Variants in CAMTA1 observed in about 807,000 individuals in gnomAD.
CAMTA1 encodes calmodulin binding transcription activator 1, also known as calmodulin-binding transcription activator 1.
A neutral mutation model predicts 170.9 loss-of-function variants in CAMTA1; 27 were observed. The ratio of observed to expected loss-of-function variants is 0.16; its 90% CI spans 0.12 to 0.22. The LOEUF is 0.22. Ranked by LOEUF, CAMTA1 falls within the 10% of genes least tolerant of loss-of-function variation. The probability of loss-of-function intolerance (pLI) is 1.00; values close to 1 mark genes in which losing one functional copy is unlikely to be tolerated. For missense variants in CAMTA1, 1,619 were observed against 2,217.2 expected (o/e 0.73, Z 5.42); for synonymous variants, 833 against 891.5 (o/e 0.93, Z 1.17).
rs1332661381 is a variant in CAMTA1 at position 7,044,351 on chromosome 1, G to C, written c.235-46953G>C. On this transcript the variant is annotated intron_variant, in intron 3 of 22. Coordinates refer to ENST00000303635, the MANE Select transcript of CAMTA1 (RefSeq NM_015215.4). This position sits in a 1 kb window ranked among gnomAD's most constrained non-coding sequence, Gnocchi z 5.0. ...CCGCTGGGGACCCCGGGGACTCAGA[G>C]CAGTGCCGCTGGGGACCCTGGGGAC... 6.6e-6 allele frequency among the ~76,000 whole-genome samples: 1 copy of C among 152,150 alleles called. No individual in the cohort carries two copies. Among genetic ancestry groups the C allele is most frequent in the African/African-American group, 2.4e-5 (1 of 41,440 alleles).
intron 4 of CAMTA1, among the ~76,000 whole-genome samples, chr1:7,171,163 A>G (rs1439228389): frequency 5.9e-5 from 9 of 152,170 alleles, no homozygotes; most frequent in Admixed American, 5.9e-4. Flanking sequence ...GTTCTCCTGG[A>G]ACGTGAGGAA....
intron 3 of CAMTA1, among the ~76,000 whole-genome samples, chr1:7,026,951 G>A (rs190755068): frequency 6.6e-6 from 1 of 152,142 alleles, no homozygotes; most frequent in Non-Finnish European, 1.5e-5. Flanking sequence ...ACCTTTTCCG[G>A]CATGACCTTT....
At chr1:7,675,324 T>A (rs1311599537) in intron 10 of CAMTA1, among the ~76,000 whole-genome samples, 1 of 152,218 alleles carries the variant, frequency 6.6e-6, no homozygotes, top group African/African-American at 2.4e-5. Flanking sequence ...ATAAATCGTG[T>A]CCATCTTTCT....
At position 6,827,596 on chromosome 1, in the gene CAMTA1, C is replaced by G. The variant is rs189367729; in HGVS notation, c.234+2386C>G. On this transcript the variant is annotated intron_variant, in intron 3 of 22. Coordinates refer to ENST00000303635, the MANE Select transcript of CAMTA1 (RefSeq NM_015215.4). ...TGGAATAAAGCAATCAGCGGTGTTA[C>G]TAAAGCACTTCTTTGATCTAGCTGG... Among the ~76,000 whole-genome samples the G allele has an allele frequency of 5.0e-4, 76 of 151,866 alleles. No homozygotes were observed. In the East Asian group the frequency reaches 0.014, roughly 27 times the overall value.
chr1:6,982,674 G>A (rs1240898638), intron 3 of CAMTA1, among the ~76,000 whole-genome samples: 1 of 152,172 alleles, frequency 6.6e-6, no homozygotes, highest in African/African-American at 2.4e-5. Context: ...CTGTCCCCAC[G>A]CAGTTGGCAG....
At chr1:7,677,817 T>A in intron 11 of CAMTA1, 84 bp downstream of exon 11, 1 of 1,487,444 alleles carries the variant, frequency 6.7e-7, no homozygotes, top group Non-Finnish European at 9.1e-7. Flanking sequence ...GAAAGAAGAG[T>A]AAGCACCCAG....
chr1:7,334,260 C>T (rs1234820450), intron 5 of CAMTA1, among the ~76,000 whole-genome samples: 1 of 152,208 alleles, frequency 6.6e-6, no homozygotes, highest in Non-Finnish European at 1.5e-5. Flanking sequence ...CCTGCCAGGG[C>T]AGAGGAGCCC....
intron 5 of CAMTA1, among the ~76,000 whole-genome samples, chr1:7,284,849 C>G (rs1041576422): frequency 6.6e-6 from 1 of 152,170 alleles, no homozygotes; most frequent in Non-Finnish European, 1.5e-5. Flanking sequence ...CCACTTCTCC[C>G]TGGTGGGGCC....
At chr1:7,498,912 C>A (rs571677850) in intron 6 of CAMTA1, among the ~76,000 whole-genome samples, 1 of 88,696 alleles carries the variant, frequency 1.1e-5, no homozygotes, top group Non-Finnish European at 2.1e-5. Context: ...GGTGTGAGTG[C>A]GTATGTATAT....
rs2095701717 is a variant in CAMTA1, at chr1:7,635,205, CTCT to C, written c.511-5189_511-5187del. On this transcript the variant is annotated intron_variant, in intron 6 of 22. Coordinates refer to ENST00000303635, the MANE Select transcript of CAMTA1 (RefSeq NM_015215.4). The surrounding 1 kb of genome is among the most constrained non-coding windows in gnomAD (Gnocchi z 4.4). Reference sequence around the variant, plus strand: ...GCCCAGGGAGGGGCTTCTGCACAAGCTCTTCTTCCCTCCCTGAACCCACAGGGC... The same window carrying C: ...GCCCAGGGAGGGGCTTCTGCACAAGCTCTTCCCTCCCTGAACCCACAGGGC... Among the ~76,000 whole-genome samples the C allele has an allele frequency of 1.3e-5, 2 of 152,204 alleles. No homozygotes were observed. The highest frequency in any genetic ancestry group is 4.8e-5 in the African/African-American group (2 of 41,448).
intron 5 of CAMTA1, among the ~76,000 whole-genome samples, chr1:7,270,520 T>G (rs1164420572): frequency 1.3e-5 from 2 of 151,970 alleles, no homozygotes; most frequent in African/African-American, 2.4e-5. Context: ...AGTCTCAAAC[T>G]CCTGACCTCA....
intron 6 of CAMTA1, among the ~76,000 whole-genome samples, chr1:7,487,161 G>A (rs1054589278): frequency 6.6e-5 from 10 of 152,146 alleles, no homozygotes; most frequent in Admixed American, 3.3e-4. Context: ...TATGCGTCTC[G>A]TGTTCCTCCC....
At chr1:7,716,506 C>T (rs1221376234) in intron 11 of CAMTA1, among the ~76,000 whole-genome samples, 1 of 152,112 alleles carries the variant, frequency 6.6e-6, no homozygotes, top group Non-Finnish European at 1.5e-5. Context: ...GATTTTGTAG[C>T]ACTATGAAAA....
intron 3 of CAMTA1, among the ~76,000 whole-genome samples, chr1:7,051,234 C>T (rs1421594118): frequency 6.6e-6 from 1 of 152,154 alleles, no homozygotes; most frequent in African/African-American, 2.4e-5. Context: ...TTGAGGCAGG[C>T]AATTTCTGAG....
intron 5 of CAMTA1, among the ~76,000 whole-genome samples, chr1:7,284,639 G>T (rs1003804661): frequency 6.6e-6 from 1 of 152,180 alleles, no homozygotes; most frequent in East Asian, 1.9e-4. Flanking sequence ...GTGGCTCCTG[G>T]CATTCCAGCC....
chr1:7,407,470 A>G (rs531532848), intron 5 of CAMTA1, among the ~76,000 whole-genome samples: 1 of 152,254 alleles, frequency 6.6e-6, no homozygotes, highest in East Asian at 1.9e-4. Flanking sequence ...GCTGAGGAAG[A>G]GGCCACCCAT....
At chr1:6,975,841 A>G (rs904404220) in intron 3 of CAMTA1, among the ~76,000 whole-genome samples, 5 of 152,126 alleles carry the variant, frequency 3.3e-5, no homozygotes, top group African/African-American at 1.2e-4. Context: ...GGCAACCACC[A>G]ATCTGCTTTC....
chr1:6,881,328 G>A (rs1028575619), intron 3 of CAMTA1, among the ~76,000 whole-genome samples: 3 of 152,204 alleles, frequency 2.0e-5, no homozygotes, highest in African/African-American at 7.2e-5. Flanking sequence ...GTGACTGAGC[G>A]GGTATCTCTC....
At chr1:6,880,588 C>G (rs958932817) in intron 3 of CAMTA1, among the ~76,000 whole-genome samples, 1 of 152,076 alleles carries the variant, frequency 6.6e-6, no homozygotes, top group Non-Finnish European at 1.5e-5. Context: ...CAGGGTTTCA[C>G]TGTATTGTCC....
Sources: allele counts gnomAD v4.1 joint callset (sites outside exome capture counted in the v4.1 genomes callset), GRCh38; gene constraint gnomAD v4.1.1; non-coding constraint Gnocchi (gnomAD v3.1); transcripts MANE v1.5; gene names NCBI Gene and HGNC (gene_info 2026-07-23, HGNC 2026-07-21).